Variants in ATRNL1 observed in about 807,000 individuals in gnomAD.
The protein encoded by ATRNL1 is attractin like 1.
Under a neutral mutation model 182.7 loss-of-function variants are expected in ATRNL1, and 95 were observed. That is an observed-to-expected ratio of 0.52 (90% confidence interval 0.44 to 0.62). The LOEUF (loss-of-function observed/expected upper bound fraction) is 0.62, where lower values mean the gene tolerates loss of function less well. Among genes scored for constraint, ATRNL1 ranks in the 20% least tolerant of loss-of-function variants. The pLI, the probability that ATRNL1 is intolerant of heterozygous loss-of-function variation, is 0.00. For synonymous variants in ATRNL1, 576 were observed against 568.3 expected (o/e 1.01, Z -0.19); for missense variants, 1,471 against 1,679.5 (o/e 0.88, Z 2.17).
rs139071586 is a variant in ATRNL1, at chr10:115,336,817, T to C, written c.3175+2398T>C. 2.9e-3 allele frequency among the ~76,000 whole-genome samples: 446 copies of C among 152,222 alleles called. 1 individual carries two copies. Among genetic ancestry groups the C allele is most frequent in the African/African-American group, 0.01 (416 of 41,550 alleles). The stretch of plus-strand genomic sequence containing the variant: ...GAAACCCACATAACAGACACTTAAC[T>C]ATGTACAGTGTTGTGCAACTGTCTG... On this transcript the variant is annotated intron_variant, in intron 19 of 28. Coordinates refer to ENST00000355044, the MANE Select transcript of ATRNL1 (RefSeq NM_207303.4).
At chr10:115,795,755 A>T (rs149472203) in intron 27 of ATRNL1, among the ~76,000 whole-genome samples, 152 of 152,242 alleles carry the variant, frequency 1.0e-3, no homozygotes, top group Non-Finnish European at 1.9e-3. Flanking sequence ...ATGAGACAGC[A>T]CTAGAGGGAT....
intron 8 of ATRNL1, among the ~76,000 whole-genome samples, chr10:115,192,067 T>C (rs1485053683): frequency 6.6e-6 from 1 of 152,146 alleles, no homozygotes; most frequent in Non-Finnish European, 1.5e-5. Context: ...GTGTTGATTG[T>C]TTCCTTTGCT....
chr10:115,303,090 T>A (rs529449987), intron 17 of ATRNL1, among the ~76,000 whole-genome samples: 46 of 151,070 alleles, frequency 3.0e-4, no homozygotes, highest in African/African-American at 1.1e-3. Flanking sequence ...CATTGGTATC[T>A]GTCCCTCTTG....
chr10:115,599,215 A>T lies in ATRNL1; in HGVS notation c.3795+49679A>T. On this transcript the variant is annotated intron_variant, in intron 26 of 28. Coordinates refer to ENST00000355044, the MANE Select transcript of ATRNL1 (RefSeq NM_207303.4). Reference sequence around the variant, plus strand: ...GATTTTTGCTTTACCCTCCTATTTTATCATTGCCAACAAATACAGTCAGTT... The same window carrying T: ...GATTTTTGCTTTACCCTCCTATTTTTTCATTGCCAACAAATACAGTCAGTT... Among the ~76,000 whole-genome samples, 2 of 152,158 alleles carry T rather than the reference A, an allele frequency of 1.3e-5. 1 individual carries two copies. Among genetic ancestry groups the T allele is most frequent in the Non-Finnish European group, 2.9e-5 (2 of 68,020 alleles).
At chr10:115,517,470 T>C (rs1301236826) in intron 24 of ATRNL1, among the ~76,000 whole-genome samples, 2 of 151,962 alleles carry the variant, frequency 1.3e-5, no homozygotes, top group Non-Finnish European at 2.9e-5. Context: ...ACTGCAAAAA[T>C]CTCTGTCTTT....
At chr10:115,157,476 T>G (rs1437434364) in intron 5 of ATRNL1, among the ~76,000 whole-genome samples, 1 of 151,824 alleles carries the variant, frequency 6.6e-6, no homozygotes, top group Non-Finnish European at 1.5e-5. Flanking sequence ...ATAAATGGAT[T>G]AATTTAGAGT....
At chr10:115,759,841 ATTTTTTTT>A (rs58578796) in intron 27 of ATRNL1, among the ~76,000 whole-genome samples, 948 of 62,764 alleles carry the variant, frequency 0.015, 12 homozygotes, top group African/African-American at 0.048. Context: ...ACACCTGGCT[ATTTTTTTT>A]TTTTTTTTTT....
intron 8 of ATRNL1, among the ~76,000 whole-genome samples, chr10:115,177,849 C>G (rs1236799316): frequency 7.9e-6 from 1 of 125,860 alleles, no homozygotes; most frequent in African/African-American, 2.9e-5. Flanking sequence ...GAAGCATACA[C>G]AAATAAATCA....
In ATRNL1 at chr10:115,553,854, G is replaced by A. The variant is rs150542679; in HGVS notation, c.3795+4318G>A. 1.3e-3 allele frequency among the ~76,000 whole-genome samples: 192 copies of A among 151,426 alleles called. 3 individuals carry two copies. In the East Asian group the frequency reaches 0.035, roughly 27 times the overall value. On this transcript the variant is annotated intron_variant, in intron 26 of 28. Transcript: ENST00000355044. ...AATTAGTTATAAAATATTCTCTGAC[G>A]CAGTGATAAATAGATTCTCATCTAA...
intron 28 of ATRNL1, among the ~76,000 whole-genome samples, chr10:115,894,026 A>T (rs1952144897): frequency 6.6e-6 from 1 of 152,126 alleles, no homozygotes; most frequent in Non-Finnish European, 1.5e-5. Flanking sequence ...AGACAAGGGG[A>T]ATAGATGGAA....
intron 26 of ATRNL1, among the ~76,000 whole-genome samples, chr10:115,634,305 A>G (rs1367860955): frequency 4.6e-5 from 7 of 152,162 alleles, no homozygotes; most frequent in African/African-American, 1.7e-4. Context: ...GTGGCATTTC[A>G]TTAGTGTCTA....
At chr10:115,757,951 G>C (rs183231898) in intron 27 of ATRNL1, among the ~76,000 whole-genome samples, 1 of 150,870 alleles carries the variant, frequency 6.6e-6, no homozygotes, top group African/African-American at 2.4e-5. Flanking sequence ...CTTGTGATTC[G>C]GTTATTGATA....
intron 19 of ATRNL1, among the ~76,000 whole-genome samples, chr10:115,388,787 G>A (rs1843810754): frequency 6.6e-6 from 1 of 151,360 alleles, no homozygotes; most frequent in Non-Finnish European, 1.5e-5. Context: ...ACTCACCTTT[G>A]TTTTTATTTA....
intron 9 of ATRNL1, among the ~76,000 whole-genome samples, chr10:115,230,923 A>AC (rs1849919502): frequency 1.3e-5 from 1 of 77,530 alleles, no homozygotes; most frequent in Non-Finnish European, 2.7e-5. Context: ...GAGAGAGAGA[A>AC]AGAGAGAAAT....
intron 26 of ATRNL1, among the ~76,000 whole-genome samples, chr10:115,558,785 T>G (rs1347937934): frequency 1.3e-5 from 2 of 152,074 alleles, no homozygotes; most frequent in Non-Finnish European, 2.9e-5. Context: ...TTTTCCTGCC[T>G]CAAACTTATT....
intron 13 of ATRNL1, among the ~76,000 whole-genome samples, chr10:115,277,992 G>A (rs1360455392): frequency 6.6e-6 from 1 of 152,116 alleles, no homozygotes; most frequent in East Asian, 1.9e-4. Flanking sequence ...AGTAAAATTA[G>A]TTTGAGTTGT....
chr10:115,100,202 AG>A (rs1467131355), intron 1 of ATRNL1, among the ~76,000 whole-genome samples: 1 of 152,138 alleles, frequency 6.6e-6, no homozygotes, highest in Non-Finnish European at 1.5e-5. Flanking sequence ...CTGAGATGGG[AG>A]GATCACTTTA....
At chr10:115,142,843 G>T (rs1845806951) in intron 5 of ATRNL1, among the ~76,000 whole-genome samples, 1 of 152,114 alleles carries the variant, frequency 6.6e-6, no homozygotes, top group South Asian at 2.1e-4. Flanking sequence ...TAGATGTGGG[G>T]GGTGAGGGAA....
intron 26 of ATRNL1, among the ~76,000 whole-genome samples, chr10:115,650,221 A>G (rs1003942500): frequency 6.6e-6 from 1 of 152,082 alleles, no homozygotes; most frequent in African/African-American, 2.4e-5. Context: ...ATGCAGGATA[A>G]ATCAGTTCAA....
Sources: allele counts gnomAD v4.1 joint callset (sites outside exome capture counted in the v4.1 genomes callset), GRCh38; gene constraint gnomAD v4.1.1; transcripts MANE v1.5; gene names NCBI Gene and HGNC (gene_info 2026-07-23, HGNC 2026-07-21).